The following PARVB variants were observed in gnomAD, a reference collection of about 807,000 sequenced individuals.
PARVB encodes the protein beta-parvin.
PARVB carries 46 observed loss-of-function variants against 47.0 expected under a neutral mutation model. That is an observed-to-expected ratio of 0.98 (90% CI 0.77 to 1.25). PARVB has a LOEUF of 1.25. Ranked by LOEUF, PARVB falls within the 50% of genes most tolerant of loss-of-function variation. The pLI is 0.00. For missense variants in PARVB, 473 were observed against 471.6 expected (o/e 1.00, Z -0.03); for synonymous variants, 196 against 196.3 (o/e 1.00, Z 0.01).
intron 4 of PARVB, among the ~76,000 whole-genome samples, chr22:44,128,625 T>C (rs62227725): frequency 0.029 from 4,479 of 152,334 alleles, 104 homozygotes; most frequent in Non-Finnish European, 0.044. Context: ...GGCCCACCCA[T>C]GTGACCTCAT....
chr22:44,121,214 A>G (rs1230868191), intron 4 of PARVB, among the ~76,000 whole-genome samples: 1 of 152,086 alleles, frequency 6.6e-6, no homozygotes, highest in East Asian at 1.9e-4. Flanking sequence ...TTTGTTGCCC[A>G]GGCCTGTTTT....
At chr22:44,005,358 C>G (rs1407620249) in intron 2 of PARVB, among the ~76,000 whole-genome samples, 2 of 150,806 alleles carry the variant, frequency 1.3e-5, no homozygotes, top group African/African-American at 2.4e-5. Flanking sequence ...AGCAGTCCTC[C>G]TGCCTTGAAC....
intron 1 of PARVB, among the ~76,000 whole-genome samples, chr22:44,079,544 T>C (rs918723886): frequency 1.3e-4 from 20 of 152,242 alleles, no homozygotes; most frequent in Admixed American, 8.5e-4. Flanking sequence ...TGAGGGAATC[T>C]GACCCCTTAC....
intron 12 of PARVB, among the ~76,000 whole-genome samples, chr22:44,164,882 T>G (rs964268105): frequency 1.3e-5 from 2 of 152,238 alleles, no homozygotes; most frequent in African/African-American, 4.8e-5. Flanking sequence ...CAGCCACCGC[T>G]TCCTGCCAGT....
At chr22:44,138,542 G>A (rs150175883) in intron 7 of PARVB, among the ~76,000 whole-genome samples, 12 of 152,256 alleles carry the variant, frequency 7.9e-5, no homozygotes, top group Middle Eastern at 3.4e-3. Context: ...CCGTGGCTGC[G>A]GAGGCTCTGA....
chr22:44,052,690 C>T (rs2051232344), intron 1 of PARVB, among the ~76,000 whole-genome samples: 1 of 152,180 alleles, frequency 6.6e-6, no homozygotes, highest in Admixed American at 6.5e-5. Context: ...TGCCTGTAAT[C>T]CCAGCACTTT....
intron 1 of PARVB, among the ~76,000 whole-genome samples, chr22:44,092,861 A>G (rs1050850255): frequency 1.3e-5 from 2 of 152,198 alleles, no homozygotes; most frequent in Non-Finnish European, 2.9e-5. Flanking sequence ...CTGGATGTCC[A>G]GAGCTAGAGG....
upstream of PARVB, among the ~76,000 whole-genome samples, chr22:44,023,081 G>T (rs1049661809): frequency 6.6e-6 from 1 of 152,100 alleles, no homozygotes; most frequent in South Asian, 2.1e-4. Flanking sequence ...GGGGCTTCTG[G>T]CTGTGAGCAT....
chr22:44,071,993 C>T (rs1031882467), intron 1 of PARVB, among the ~76,000 whole-genome samples: 3 of 152,346 alleles, frequency 2.0e-5, no homozygotes, highest in Non-Finnish European at 4.4e-5. Context: ...CCTTCCCTCC[C>T]TCCCTCGCTC....
At chr22:44,110,225 A>G (rs1309474928) in intron 3 of PARVB, 1 of 152,144 alleles carries the variant, frequency 6.6e-6, no homozygotes. Context: ...GGCATTGAAC[A>G]AAACACAGGC....
intron 10 of PARVB, among the ~76,000 whole-genome samples, chr22:44,156,022 C>T (rs150245090): frequency 0.054 from 8,171 of 151,978 alleles, 709 homozygotes; most frequent in African/African-American, 0.18. Context: ...TGGTGGCACG[C>T]GCCTGTAATC....
At chr22:44,154,938 G>GGTGT (rs2053893913) in intron 10 of PARVB, among the ~76,000 whole-genome samples, 1 of 104,024 alleles carries the variant, frequency 9.6e-6, no homozygotes, top group Admixed American at 9.5e-5. Flanking sequence ...TGTGTGGTGT[G>GGTGT]ATGTGTGTGT....
intron 7 of PARVB, among the ~76,000 whole-genome samples, chr22:44,138,765 A>C (rs1340801455): frequency 6.6e-6 from 1 of 152,178 alleles, no homozygotes; most frequent in African/African-American, 2.4e-5. Context: ...CTCTGGACAC[A>C]TGTGGCCAAC....
In PARVB at chr22:44,131,376, A is replaced by C. The variant is rs142535573; in HGVS notation, c.377-111A>C. 2,791 of 1,121,276 alleles carry C rather than the reference A, an allele frequency of 2.5e-3. 54 individuals are homozygous for C. In the African/African-American group the frequency reaches 0.038, roughly 15 times the overall value. 69.5% of individuals were successfully genotyped at this position (1,121,276 alleles called of 1,614,324 possible). A position where few individuals can be genotyped will look rare whatever the true frequency, so the allele number is the denominator to read the frequency against. On this transcript the variant is annotated intron_variant, in intron 4 of 12. Transcript: ENST00000338758. ...AGGCTGGTCTCGAACTCCTGGCCTGAAGTGATTCACCCACCTCGGCCTCTC... is the reference window on the plus strand; with the variant it reads ...AGGCTGGTCTCGAACTCCTGGCCTGCAGTGATTCACCCACCTCGGCCTCTC...
rs183322357 is a variant in PARVB, at chr22:44,055,495, C to T, written c.112+31044C>T. On this transcript the variant is annotated intron_variant, in intron 1 of 12. Transcript: ENST00000338758. ...GATTACAGGCACTGGCCACCACACC[C>T]GGCTAATTTTTGTATTTTTAGTAGA... Among the ~76,000 whole-genome samples, 521 of 151,996 alleles carry T rather than the reference C, an allele frequency of 3.4e-3. 3 individuals carry two copies. The highest frequency in any genetic ancestry group is 0.012 in the African/African-American group (489 of 41,442).
chr22:44,064,430 G>A (rs1350683251), intron 1 of PARVB, among the ~76,000 whole-genome samples: 1 of 152,218 alleles, frequency 6.6e-6, no homozygotes, highest in Non-Finnish European at 1.5e-5. Context: ...GAGTTCCCCA[G>A]AGGCTGGGGT....
intron 3 of PARVB, chr22:44,111,687 C>G (rs991141296): frequency 1.3e-5 from 2 of 151,962 alleles, no homozygotes; most frequent in African/African-American, 4.8e-5. Flanking sequence ...GGCTCAAACA[C>G]TCATCCTGCA....
chr22:44,104,169 T>C (rs1280720290), intron 3 of PARVB: 1 of 152,220 alleles, frequency 6.6e-6, no homozygotes, highest in African/African-American at 2.4e-5. Context: ...TGCCAGACAC[T>C]GAGATGCCTG....
Position 44,094,070 on chromosome 22 carries a change from T to C in PARVB, c.202+53T>C, listed in dbSNP as rs550165461. On this transcript the variant is annotated intron_variant, in intron 2 of 12. Transcript: ENST00000338758. ...TGAGACAGTTGAGCTTCCGTGGCACTAAGTTGGTCTTGGGGAGGCCAATGA... is the reference window on the plus strand; with the variant it reads ...TGAGACAGTTGAGCTTCCGTGGCACCAAGTTGGTCTTGGGGAGGCCAATGA... The C allele has an allele frequency of 1.2e-4, 140 of 1,154,714 alleles. No individual in the cohort carries two copies. The East Asian group carries it at 3.1e-3, about 26-fold the overall frequency. 71.5% of individuals were successfully genotyped at this position (1,154,714 alleles called of 1,614,324 possible). A position where few individuals can be genotyped will look rare whatever the true frequency, so the allele number is the denominator to read the frequency against.
Sources: gnomAD v4.1 joint callset for allele counts (sites outside exome capture counted in the v4.1 genomes callset) on GRCh38, gnomAD v4.1.1 for gene constraint, MANE v1.5 for transcripts, NCBI Gene and HGNC (gene_info 2026-07-23, HGNC 2026-07-21) for gene names.